The following SLC24A2 variants were observed in gnomAD, a reference collection of about 807,000 sequenced individuals.
SLC24A2 encodes the protein sodium/potassium/calcium exchanger 2.
SLC24A2 carries 36 observed loss-of-function variants against 62.0 expected under a neutral mutation model. The ratio of observed to expected loss-of-function variants is 0.58; its 90% confidence interval spans 0.44 to 0.77. The LOEUF (loss-of-function observed/expected upper bound fraction) is 0.77, where lower values mean the gene tolerates loss of function less well. Among genes scored for constraint, SLC24A2 ranks in the 30% least tolerant of loss-of-function variants. The probability of loss-of-function intolerance (pLI) is 0.00; values close to 1 mark genes in which losing one functional copy is unlikely to be tolerated. For missense variants in SLC24A2, 846 were observed against 817.9 expected, an observed-to-expected ratio of 1.03 and a Z score of -0.42; for synonymous variants, 358 against 294.0, an observed-to-expected ratio of 1.22 and a Z score of -2.23.
chr9:19,757,234 T>C (rs942614221), intron 2 of SLC24A2, among the ~76,000 whole-genome samples: 7 of 151,940 alleles, frequency 4.6e-5, no homozygotes, highest in Non-Finnish European at 7.4e-5. Flanking sequence ...CCCCGAGAAC[T>C]GAGCATGGGG....
chr9:20,047,232 G>A, the SLC24A2 span, among the ~76,000 whole-genome samples: 3 of 152,118 alleles, frequency 2.0e-5, no homozygotes, highest in South Asian at 2.1e-4. Flanking sequence ...CAAGTTGCCT[G>A]GACCTAAATT....
At chr9:20,177,060 G>C in the SLC24A2 span, among the ~76,000 whole-genome samples, 1 of 152,054 alleles carries the variant, frequency 6.6e-6, no homozygotes, top group South Asian at 2.1e-4. Context: ...TTATTACCAT[G>C]GTTATTTTGA....
chr9:19,793,258 G>C (rs1053691779), upstream of SLC24A2, among the ~76,000 whole-genome samples: 3 of 152,242 alleles, frequency 2.0e-5, no homozygotes, highest in African/African-American at 7.2e-5. Flanking sequence ...CCTTTGTGAA[G>C]TTTGCTGTGT....
intron 2 of SLC24A2, among the ~76,000 whole-genome samples, chr9:19,624,594 C>T (rs1041207848): frequency 1.3e-5 from 2 of 152,276 alleles, no homozygotes; most frequent in East Asian, 3.9e-4. Context: ...AGTGCAGAGA[C>T]AGGCCTGAAA....
At chr9:19,769,372 A>AGTG (rs1029631400) in intron 2 of SLC24A2, among the ~76,000 whole-genome samples, 2 of 152,252 alleles carry the variant, frequency 1.3e-5, no homozygotes, top group African/African-American at 4.8e-5. Context: ...TCATGGCACC[A>AGTG]GTGCCTGAAC....
chr9:19,605,331 AT>A, intron 4 of SLC24A2, among the ~76,000 whole-genome samples: 1 of 152,258 alleles, frequency 6.6e-6, no homozygotes, highest in South Asian at 2.1e-4. Flanking sequence ...CCCAGGTAGA[AT>A]TTTTTTCAAG....
At chr9:19,839,577 G>A in the SLC24A2 span, among the ~76,000 whole-genome samples, 15 of 152,042 alleles carry the variant, frequency 9.9e-5, no homozygotes, top group Non-Finnish European at 2.1e-4. Context: ...AAAAACAGAG[G>A]AACAATAATT....
At chr9:19,543,635 G>C (rs115278117) in intron 8 of SLC24A2, among the ~76,000 whole-genome samples, 1 of 152,212 alleles carries the variant, frequency 6.6e-6, no homozygotes, top group East Asian at 1.9e-4. Context: ...TGTGTTGTTA[G>C]TTCTCATTGG....
intron 10 of SLC24A2, among the ~76,000 whole-genome samples, chr9:19,520,611 T>C (rs956268923): frequency 1.3e-5 from 2 of 152,106 alleles, no homozygotes; most frequent in Non-Finnish European, 1.5e-5. Context: ...TCCACTTGAA[T>C]GTTGTTATAT....
chr9:20,193,699 T>C, the SLC24A2 span, among the ~76,000 whole-genome samples: 1 of 152,020 alleles, frequency 6.6e-6, no homozygotes, highest in African/African-American at 2.4e-5. Flanking sequence ...TGTAACCCAA[T>C]AGAGAGACAT....
chr9:20,080,486 T>C, the SLC24A2 span, among the ~76,000 whole-genome samples: 1 of 152,078 alleles, frequency 6.6e-6, no homozygotes, highest in Non-Finnish European at 1.5e-5. Context: ...TCAAGATGGA[T>C]TAAAGACTTA....
chr9:19,854,821 C>G, the SLC24A2 span, among the ~76,000 whole-genome samples: 5 of 152,144 alleles, frequency 3.3e-5, no homozygotes, highest in African/African-American at 1.2e-4. Flanking sequence ...TGATCCAGAG[C>G]TGAGCTCAAG....
chr9:19,651,647 G>C (rs1281867438), intron 2 of SLC24A2, among the ~76,000 whole-genome samples: 3 of 152,120 alleles, frequency 2.0e-5, no homozygotes, highest in Non-Finnish European at 4.4e-5. Context: ...TTTAAAATTA[G>C]GTCAAAAGGC....
the SLC24A2 span, among the ~76,000 whole-genome samples, chr9:20,275,608 T>C: frequency 1.3e-5 from 2 of 152,224 alleles, no homozygotes; most frequent in Non-Finnish European, 2.9e-5. Flanking sequence ...GGCAAGTTTG[T>C]AGACAATCTC....
At position 19,508,091 on chromosome 9, in the gene SLC24A2, C is replaced by T. The variant is rs1288739788; in HGVS notation, c.*8062G>A. 6.6e-6 allele frequency: 1 copy of T among 152,178 alleles called. No individual in the cohort carries two copies. The highest frequency in any genetic ancestry group is 1.5e-5 in the Non-Finnish European group (1 of 68,034). 9.4% of individuals were successfully genotyped at this position (152,178 alleles called of 1,614,324 possible). On this transcript the variant is annotated 3_prime_UTR_variant, in exon 11 of 11. Coordinates refer to ENST00000341998, the MANE Select transcript of SLC24A2 (RefSeq NM_020344.4). ...AATCAGGAAGGTAGCTTTTGCTATT[C>T]TTAGCTTTGATGGCTTTTTAAGTAT...
intron 2 of SLC24A2, among the ~76,000 whole-genome samples, chr9:19,650,666 G>C (rs62563286): frequency 0.041 from 6,237 of 152,202 alleles, 154 homozygotes; most frequent in Middle Eastern, 0.13. Flanking sequence ...TTCTGGAGTG[G>C]ATCAATTTTT....
At chr9:19,811,288 T>C in the SLC24A2 span, among the ~76,000 whole-genome samples, 1 of 152,152 alleles carries the variant, frequency 6.6e-6, no homozygotes, top group Admixed American at 6.5e-5. Context: ...GCCCCTAGAT[T>C]GTGAGAAATA....
At chr9:19,967,771 G>C in the SLC24A2 span, 1 of 152,068 alleles carries the variant, frequency 6.6e-6, no homozygotes, top group Non-Finnish European at 1.5e-5. Flanking sequence ...CACCATGCAG[G>C]GGGCAGCATT....
the SLC24A2 span, among the ~76,000 whole-genome samples, chr9:20,255,722 C>A: frequency 6.6e-6 from 1 of 152,070 alleles, no homozygotes; most frequent in Non-Finnish European, 1.5e-5. Context: ...GAAAATGGCC[C>A]GACATCACTT....
Sources: allele counts gnomAD v4.1 joint callset (sites outside exome capture counted in the v4.1 genomes callset), GRCh38; gene constraint gnomAD v4.1.1; transcripts MANE v1.5; gene names NCBI Gene and HGNC (gene_info 2026-07-23, HGNC 2026-07-21).